The following FHIT variants were observed in gnomAD, a reference collection of about 807,000 sequenced individuals.
FHIT encodes the protein fragile histidine triad diadenosine triphosphatase, also known as bis(5'-adenosyl)-triphosphatase.
FHIT carries 19 observed loss-of-function variants against 17.9 expected under a neutral mutation model. The observed-to-expected ratio is 1.06, with a 90% CI of 0.74 to 1.56. The LOEUF is 1.56. Ranked by LOEUF, FHIT falls within the 40% of genes most tolerant of loss-of-function variation. The probability of loss-of-function intolerance (pLI) is 0.00; values close to 1 mark genes in which losing one functional copy is unlikely to be tolerated. For missense variants in FHIT, 248 were observed against 189.2 expected, an observed-to-expected ratio of 1.31 and a Z score of -1.82; for synonymous variants, 81 against 69.7, an observed-to-expected ratio of 1.16 and a Z score of -0.81.
chr3:60,502,006 C>T (rs2594266), intron 5 of FHIT, among the ~76,000 whole-genome samples: 152,028 of 152,342 alleles, frequency 1, 75,860 homozygotes, highest in Middle Eastern at 1. Context: ...GAGAGACCGA[C>T]GAGTAGACAT....
At chr3:60,682,864 G>C (rs1483699279) in intron 4 of FHIT, among the ~76,000 whole-genome samples, 5 of 152,180 alleles carry the variant, frequency 3.3e-5, no homozygotes, top group Admixed American at 2.0e-4. Context: ...CACCATGCTG[G>C]ATGTCATTGA....
intron 8 of FHIT, among the ~76,000 whole-genome samples, chr3:59,796,318 C>G (rs1407289330): frequency 6.6e-6 from 1 of 152,160 alleles, no homozygotes; most frequent in Non-Finnish European, 1.5e-5. Flanking sequence ...AGCAACACCC[C>G]CAGACCCTCT....
chr3:60,416,882 C>A (rs1054504263), intron 5 of FHIT, among the ~76,000 whole-genome samples: 2 of 151,922 alleles, frequency 1.3e-5, no homozygotes, highest in Non-Finnish European at 1.5e-5. Context: ...GTCAGGAGAG[C>A]GAGACCATCC....
At chr3:60,103,189 C>T (rs1206839745) in intron 5 of FHIT, among the ~76,000 whole-genome samples, 2 of 152,074 alleles carry the variant, frequency 1.3e-5, no homozygotes, top group Non-Finnish European at 2.9e-5. Flanking sequence ...AGCTGTGTTT[C>T]TAGACTTGAC....
intron 5 of FHIT, among the ~76,000 whole-genome samples, chr3:60,231,671 G>C (rs151033517): frequency 1.3e-5 from 2 of 152,092 alleles, no homozygotes; most frequent in Non-Finnish European, 2.9e-5. Context: ...AGTGCTTTAC[G>C]TGCCTTGACT....
At chr3:60,867,831 T>A (rs114382292) in intron 3 of FHIT, among the ~76,000 whole-genome samples, 2 of 152,182 alleles carry the variant, frequency 1.3e-5, no homozygotes, top group African/African-American at 4.8e-5. Flanking sequence ...ACAACTTTTT[T>A]TGGGCATGTA....
chr3:59,990,589 A>G (rs1302740539), intron 7 of FHIT, among the ~76,000 whole-genome samples: 1 of 152,002 alleles, frequency 6.6e-6, no homozygotes, highest in African/African-American at 2.4e-5. Flanking sequence ...CTTTGTGAGC[A>G]TTTACCATTA....
At chr3:60,730,078 CT>C (rs1231901066) in intron 4 of FHIT, 1 of 506,742 alleles carries the variant, frequency 2.0e-6, no homozygotes, top group Non-Finnish European at 4.0e-6. Context: ...TTCAAAAAAT[CT>C]CTTCAGGTAG....
chr3:60,201,204 T>C (rs935371843), intron 5 of FHIT, among the ~76,000 whole-genome samples: 9 of 152,166 alleles, frequency 5.9e-5, no homozygotes, highest in African/African-American at 2.4e-5. Context: ...CTGCTGATTT[T>C]ACCAACAGAG....
Position 60,925,252 on chromosome 3 carries a change from A to C in FHIT, c.-110-103241T>G, listed in dbSNP as rs1349859246. The stretch of plus-strand genomic sequence containing the variant: ...CGAGAAGAGCAACTCCAAGACACAT[A>C]ATTGTCAGATTCAACAAAGTTGAAA... On this transcript the variant is annotated intron_variant, in intron 3 of 9. Coordinates refer to ENST00000492590, the MANE Select transcript of FHIT (RefSeq NM_002012.4). Among the ~76,000 whole-genome samples, 11 of 152,168 alleles carry C rather than the reference A, an allele frequency of 7.2e-5. No homozygotes were observed. In the South Asian group the frequency reaches 1.0e-3, roughly 14 times the overall value.
intron 4 of FHIT, among the ~76,000 whole-genome samples, chr3:60,626,785 C>CTTTTTTTTTTTTTT (rs60098225): frequency 7.5e-6 from 1 of 133,988 alleles, no homozygotes; most frequent in Non-Finnish European, 1.6e-5. Context: ...GGAAAACACT[C>CTTTTTTTTTTTTTT]TTTTTTTTTT....
chr3:60,795,746 C>G (rs1252356175), intron 4 of FHIT, among the ~76,000 whole-genome samples: 1 of 152,154 alleles, frequency 6.6e-6, no homozygotes, highest in African/African-American at 2.4e-5. Flanking sequence ...AACTCCTGGG[C>G]TCAAGCCATC....
At chr3:60,344,354 C>T (rs1317815853) in intron 5 of FHIT, among the ~76,000 whole-genome samples, 3 of 152,152 alleles carry the variant, frequency 2.0e-5, no homozygotes, top group Non-Finnish European at 2.9e-5. Context: ...GAATAGCAAT[C>T]TAGAAGAGTG....
At chr3:60,010,863 G>C (rs1700110120) in intron 7 of FHIT, among the ~76,000 whole-genome samples, 1 of 152,176 alleles carries the variant, frequency 6.6e-6, no homozygotes, top group Non-Finnish European at 1.5e-5. Context: ...GAAAAGAGTA[G>C]GTGTGGGGGT....
At chr3:61,054,567 T>G (rs1023535296) in intron 2 of FHIT, among the ~76,000 whole-genome samples, 1 of 152,178 alleles carries the variant, frequency 6.6e-6, no homozygotes, top group African/African-American at 2.4e-5. Context: ...TGTTTTTGAT[T>G]TGTGACTCAT....
rs1553655670 is a variant in FHIT, at chr3:60,029,879, T to TGTGTGTGTGTGTG, written c.104-15728_104-15727insCACACACACACAC. On this transcript the variant is annotated intron_variant, in intron 5 of 9. Coordinates refer to ENST00000492590, the MANE Select transcript of FHIT (RefSeq NM_002012.4). ...TTGGGCAGATGTCCTCATAGAAGCA[T>TGTGTGTGTGTGTG]TGTGTGTGTGTGTGTGTCTGTGTGT... Among the ~76,000 whole-genome samples the TGTGTGTGTGTGTG allele has an allele frequency of 2.4e-3, 313 of 131,460 alleles. 2 individuals carry two copies. The highest frequency in any genetic ancestry group is 3.4e-3 in the Non-Finnish European group (207 of 60,294). The allele number at this position is 131,460 out of a possible 152,430, so 86.2% of individuals were successfully genotyped here.
rs190902079 is a variant in FHIT at position 59,919,095 on chromosome 3, C to A, written c.348+3251G>T. ...CATTGCAATACTGATCACAAAAAACCCCCCACTATTTGTTACAGAACTTGT... is the reference window on the plus strand; with the variant it reads ...CATTGCAATACTGATCACAAAAAACACCCCACTATTTGTTACAGAACTTGT... On this transcript the variant is annotated intron_variant, in intron 8 of 9. Coordinates refer to ENST00000492590, the MANE Select transcript of FHIT (RefSeq NM_002012.4). 5.9e-5 allele frequency among the ~76,000 whole-genome samples: 9 copies of A among 152,208 alleles called. No individual in the cohort carries two copies. The East Asian group carries it at 9.6e-4, about 16-fold the overall frequency.
chr3:60,083,877 C>G (rs1214297986), intron 5 of FHIT, among the ~76,000 whole-genome samples: 1 of 152,204 alleles, frequency 6.6e-6, no homozygotes, highest in African/African-American at 2.4e-5. Context: ...CATCCTCAGA[C>G]AAAATTTAGG....
chr3:59,942,644 C>G lies in FHIT; in HGVS notation c.280-20230G>C, dbSNP rs183469555. ...ATACTTAGCTGTCTGGATTACAGCCCTTAGTTCTTTTTTTATTTTTTAGAG... is the reference window on the plus strand; with the variant it reads ...ATACTTAGCTGTCTGGATTACAGCCGTTAGTTCTTTTTTTATTTTTTAGAG... On this transcript the variant is annotated intron_variant, in intron 7 of 9. Coordinates refer to ENST00000492590, the MANE Select transcript of FHIT (RefSeq NM_002012.4). Among the ~76,000 whole-genome samples, 211 of 151,980 alleles carry G rather than the reference C, an allele frequency of 1.4e-3. 1 individual carries two copies. The highest frequency in any genetic ancestry group is 3.1e-3 in the South Asian group (15 of 4,814).
Sources: allele counts gnomAD v4.1 joint callset (sites outside exome capture counted in the v4.1 genomes callset), GRCh38; gene constraint gnomAD v4.1.1; transcripts MANE v1.5; gene names NCBI Gene and HGNC (gene_info 2026-07-23, HGNC 2026-07-21).